Variants in PDCD1LG2 observed in about 807,000 individuals in gnomAD.
The protein encoded by PDCD1LG2 is B7 dendritic cell molecule.
In PDCD1LG2, 32 loss-of-function variants were observed where a neutral mutation model predicts 28.2. The ratio of observed to expected loss-of-function variants is 1.13; its 90% confidence interval spans 0.86 to 1.52. PDCD1LG2 has a LOEUF of 1.52. Among genes scored for constraint, PDCD1LG2 ranks in the 40% most tolerant of loss-of-function variants. The pLI is 0.00. For synonymous variants in PDCD1LG2, 116 were observed against 120.2 expected, an observed-to-expected ratio of 0.97 and a Z score of 0.23; for missense variants, 385 against 323.8, an observed-to-expected ratio of 1.19 and a Z score of -1.45.
intron 5 of PDCD1LG2, among the ~76,000 whole-genome samples, chr9:5,559,505 T>C (rs1249365722): frequency 6.6e-6 from 1 of 152,204 alleles, no homozygotes; most frequent in African/African-American, 2.4e-5. Context: ...TGTGCTGCCA[T>C]TTGTTGGCTT....
chr9:5,530,738 G>C (rs571289186), intron 2 of PDCD1LG2, among the ~76,000 whole-genome samples: 17 of 152,344 alleles, frequency 1.1e-4, no homozygotes, highest in African/African-American at 3.8e-4. Flanking sequence ...TGATGGGCTA[G>C]CCCAGTGTCT....
At chr9:5,538,811 AT>A (rs551712585) in intron 3 of PDCD1LG2, among the ~76,000 whole-genome samples, 205 of 152,058 alleles carry the variant, frequency 1.3e-3, no homozygotes, top group African/African-American at 4.8e-3. Context: ...TTTTGAGATC[AT>A]TTTTTTGGGT....
chr9:5,558,466 C>T (rs1816491673), intron 5 of PDCD1LG2, among the ~76,000 whole-genome samples: 1 of 152,310 alleles, frequency 6.6e-6, no homozygotes, highest in East Asian at 1.9e-4. Context: ...AGAATGTATG[C>T]AGGCCTAGCT....
At chr9:5,518,407 T>A (rs993180169) in intron 1 of PDCD1LG2, among the ~76,000 whole-genome samples, 1 of 152,220 alleles carries the variant, frequency 6.6e-6, no homozygotes, top group African/African-American at 2.4e-5. Flanking sequence ...CAGTGGCAGG[T>A]GATCCAAGAA....
chr9:5,555,087 T>C (rs1410006277), intron 4 of PDCD1LG2, among the ~76,000 whole-genome samples: 1 of 152,214 alleles, frequency 6.6e-6, no homozygotes, highest in East Asian at 1.9e-4. Flanking sequence ...GACAAATATT[T>C]TTTGCCATTG....
chr9:5,545,340 A>G (rs983546915), intron 3 of PDCD1LG2, among the ~76,000 whole-genome samples: 3 of 152,240 alleles, frequency 2.0e-5, no homozygotes, highest in African/African-American at 7.2e-5. Context: ...GACAAATACC[A>G]ATGGGTAGAA....
chr9:5,563,522 T>C (rs1816608615), intron 6 of PDCD1LG2, among the ~76,000 whole-genome samples: 1 of 152,198 alleles, frequency 6.6e-6, no homozygotes, highest in South Asian at 2.1e-4. Flanking sequence ...CAATTGACAA[T>C]GGATGTTTTT....
chr9:5,526,583 ATG>A (rs1221311315), intron 2 of PDCD1LG2, among the ~76,000 whole-genome samples: 1 of 152,134 alleles, frequency 6.6e-6, no homozygotes, highest in African/African-American at 2.4e-5. Context: ...GACTACAGGC[ATG>A]TACCACCCGG....
intron 6 of PDCD1LG2, among the ~76,000 whole-genome samples, chr9:5,567,937 T>C (rs1032932861): frequency 3.9e-5 from 6 of 152,238 alleles, no homozygotes; most frequent in Non-Finnish European, 8.8e-5. Flanking sequence ...GTTTTTTGTT[T>C]TGTTTTGTTT....
intron 5 of PDCD1LG2, among the ~76,000 whole-genome samples, chr9:5,562,556 T>A (rs553910806): frequency 6.6e-6 from 1 of 152,228 alleles, no homozygotes; most frequent in South Asian, 2.1e-4. Context: ...ACTATTTGGG[T>A]GACGGGTGCA....
chr9:5,553,541 T>C (rs540967568), intron 4 of PDCD1LG2, among the ~76,000 whole-genome samples: 27 of 152,352 alleles, frequency 1.8e-4, no homozygotes, highest in African/African-American at 6.5e-4. Context: ...GAAATAACTT[T>C]ACACCACTGA....
intron 2 of PDCD1LG2, among the ~76,000 whole-genome samples, chr9:5,527,275 C>T (rs143035843): frequency 6.6e-6 from 1 of 152,190 alleles, no homozygotes; most frequent in African/African-American, 2.4e-5. Context: ...ACATCCAGGA[C>T]AGTTCCATCC....
rs568154915 is a variant in PDCD1LG2, at chr9:5,556,129, C to T, written c.632-1489C>T. Among the ~76,000 whole-genome samples the T allele has an allele frequency of 5.3e-5, 8 of 152,278 alleles. No homozygotes were observed. The South Asian group carries it at 1.7e-3, about 32-fold the overall frequency. On this transcript the variant is annotated intron_variant, in intron 4 of 6. Transcript: ENST00000397747. The stretch of plus-strand genomic sequence containing the variant: ...ACAGTCTAAGCAGACTGATTTCCTA[C>T]TGGATGTTCAACTTTGGAGTCTTCA...
chr9:5,534,800 T>G lies in PDCD1LG2; in HGVS notation c.111T>G (p.Asn37Lys), dbSNP rs376297615. The G allele has an allele frequency of 6.2e-7, 1 of 1,613,950 alleles. No individual in the cohort carries two copies. Among genetic ancestry groups the G allele is most frequent in the South Asian group, 1.1e-5 (1 of 91,074 alleles). ...TGTACATAATAGAGCATGGCAGCAA[T>G]GTGACCCTGGAATGCAACTTTGACA... Reference protein sequence around the residue: ...KELYIIEHGSNVTLECNFDTG... With the variant: ...KELYIIEHGSKVTLECNFDTG... The change falls in exon 3 of 7, where the codon AAT becomes AAG. Residue 37 changes from asparagine to lysine, a missense_variant. Asn to Lys is a moderately conservative substitution (Grantham distance 94). Coordinates refer to ENST00000397747, the MANE Select transcript of PDCD1LG2 (RefSeq NM_025239.4).
chr9:5,519,854 T>G (rs1278006260), intron 1 of PDCD1LG2, among the ~76,000 whole-genome samples: 1 of 152,194 alleles, frequency 6.6e-6, no homozygotes, highest in Non-Finnish European at 1.5e-5. Flanking sequence ...ACTTAGGAAT[T>G]TTCCCAGATT....
chr9:5,526,090 A>G (rs1178466628), intron 2 of PDCD1LG2, among the ~76,000 whole-genome samples: 2 of 151,864 alleles, frequency 1.3e-5, no homozygotes, highest in Non-Finnish European at 2.9e-5. Context: ...TAAGCCCGAT[A>G]TTCAGGACGC....
At chr9:5,535,369 C>A (rs188476653) in intron 3 of PDCD1LG2, among the ~76,000 whole-genome samples, 2 of 152,252 alleles carry the variant, frequency 1.3e-5, no homozygotes, top group African/African-American at 4.8e-5. Flanking sequence ...CATGGAACAT[C>A]CCTGACTTGA....
intron 3 of PDCD1LG2, among the ~76,000 whole-genome samples, chr9:5,547,113 A>T (rs1376543952): frequency 6.6e-6 from 1 of 152,256 alleles, no homozygotes; most frequent in Non-Finnish European, 1.5e-5. Flanking sequence ...AGGACGTGGC[A>T]CAAAGCTCAA....
intron 5 of PDCD1LG2, among the ~76,000 whole-genome samples, chr9:5,559,445 G>T (rs1020040741): frequency 5.9e-5 from 9 of 152,180 alleles, no homozygotes; most frequent in African/African-American, 2.2e-4. Context: ...AGAACTGCTG[G>T]TGATGCAGAC....
Sources: allele counts gnomAD v4.1 joint callset (sites outside exome capture counted in the v4.1 genomes callset), GRCh38; gene constraint gnomAD v4.1.1; transcripts MANE v1.5; gene names NCBI Gene and HGNC (gene_info 2026-07-23, HGNC 2026-07-21).